Variants in NEK5 observed in about 807,000 individuals in gnomAD.
NEK5 encodes the protein NIMA related kinase 5.
In NEK5, 88 loss-of-function variants were observed where a neutral mutation model predicts 109.2. The ratio of observed to expected loss-of-function variants is 0.81; its 90% confidence interval spans 0.68 to 0.96. The LOEUF (loss-of-function observed/expected upper bound fraction) is 0.96. Ranked by LOEUF, NEK5 falls within the 40% of genes least tolerant of loss-of-function variation. The probability of loss-of-function intolerance (pLI) is 0.00; values close to 1 mark genes in which losing one functional copy is unlikely to be tolerated. For synonymous variants in NEK5, 283 were observed against 299.9 expected (o/e 0.94, Z 0.58); for missense variants, 834 against 920.7 (o/e 0.91, Z 1.22).
chr13:52,086,566 A>T (rs757487449), intron 15 of NEK5, among the ~76,000 whole-genome samples: 2 of 152,222 alleles, frequency 1.3e-5, no homozygotes, highest in Non-Finnish European at 2.9e-5. Flanking sequence ...TACAGAGCTC[A>T]ATTTTATATA....
Position 52,057,759 on chromosome 13 carries a change from T to A in NEK5, c.2110+4060A>T, listed in dbSNP as rs868711729. On this transcript the variant is annotated intron_variant, in intron 22 of 23. Transcript: ENST00000684899. ...TTTGACAAAATTCAACAACCCTTCA[T>A]GCTAAAAACTCTCAATAAATTAGGT... Among the ~76,000 whole-genome samples the A allele has an allele frequency of 5.7e-3, 872 of 152,222 alleles. 6 individuals are homozygous for A. Among genetic ancestry groups the A allele is most frequent in the African/African-American group, 0.019 (776 of 41,522 alleles).
rs563988110 is a variant in NEK5 at position 52,051,900 on chromosome 13, A to T, written c.2111-1679T>A. On this transcript the variant is annotated intron_variant, in intron 22 of 23. Coordinates refer to ENST00000684899, the MANE Select transcript of NEK5 (RefSeq NM_001365552.1). The stretch of plus-strand genomic sequence containing the variant: ...ATGTAAACTGATCGCTGATCTTCAC[A>T]GGTGCAGGACAGAAAGTCATTCCTC... 7.2e-5 allele frequency among the ~76,000 whole-genome samples: 11 copies of T among 152,330 alleles called. No homozygotes were observed. In the South Asian group the frequency reaches 2.3e-3, roughly 32 times the overall value.
At chr13:52,084,026 TCTC>T (rs1955067521) in intron 16 of NEK5, among the ~76,000 whole-genome samples, 2 of 152,188 alleles carry the variant, frequency 1.3e-5, no homozygotes, top group Admixed American at 6.5e-5. Flanking sequence ...GAATGCCCAC[TCTC>T]CTCCTTTAAC....
At chr13:52,063,755 C>G (rs1274210219) in intron 21 of NEK5, among the ~76,000 whole-genome samples, 1 of 151,246 alleles carries the variant, frequency 6.6e-6, no homozygotes, top group Non-Finnish European at 1.5e-5. Flanking sequence ...AGCGTCTCTG[C>G]CCGGCCACCC....
At chr13:52,107,733 A>T (rs1955682553) in intron 8 of NEK5, among the ~76,000 whole-genome samples, 1 of 152,144 alleles carries the variant, frequency 6.6e-6, no homozygotes, top group African/African-American at 2.4e-5. Context: ...GAGCCTTTTA[A>T]GATTAAACAA....
intron 21 of NEK5, among the ~76,000 whole-genome samples, chr13:52,064,066 C>G (rs1359201654): frequency 6.4e-5 from 9 of 141,426 alleles, no homozygotes; most frequent in African/African-American, 2.0e-4. Context: ...GTCAGCCCCC[C>G]GCCCGGCCAG....
intron 12 of NEK5, among the ~76,000 whole-genome samples, chr13:52,095,412 G>A (rs1955386008): frequency 6.6e-6 from 1 of 152,262 alleles, no homozygotes; most frequent in South Asian, 2.1e-4. Flanking sequence ...ACAGTAATAG[G>A]AATATCAGAG....
chr13:52,087,518 C>T lies in NEK5; in HGVS notation c.1276-64G>A, dbSNP rs112051442. On this transcript the variant is annotated intron_variant, in intron 14 of 23. Transcript: ENST00000684899. ...ATTTCGGAAACATCTTCTGATTTGA[C>T]ATTGACTTTTTCCTATAAATAAGAA... 17 of 832,980 alleles carry T rather than the reference C, an allele frequency of 2.0e-5. No homozygotes were observed. In the African/African-American group the frequency reaches 2.4e-4, roughly 12 times the overall value. The allele number at this position is 832,980 out of a possible 1,614,324, so 51.6% of individuals were successfully genotyped here.
chr13:52,063,766 C>T (rs963743215), intron 21 of NEK5, among the ~76,000 whole-genome samples: 18 of 151,496 alleles, frequency 1.2e-4, no homozygotes, highest in African/African-American at 4.1e-4. Context: ...CCGGCCACCC[C>T]ATCTGAGAAG....
At chr13:52,087,564 A>G in intron 14 of NEK5, 110 bp from the exon 15 acceptor site, 1 of 554,354 alleles carries the variant, frequency 1.8e-6, no homozygotes, top group Non-Finnish European at 3.2e-6. Flanking sequence ...AAGCAAACTC[A>G]GTATTTGGGA....
intron 16 of NEK5, among the ~76,000 whole-genome samples, chr13:52,084,756 AGAGAGAGTGTGTGTGTGTGTGT>A (rs1243344056): frequency 3.8e-4 from 20 of 52,256 alleles, no homozygotes; most frequent in African/African-American, 8.5e-4. Context: ...AGAGAGAGAG[AGAGAGAGTGTGTGTGTGTGTGT>A]GTGTGTGTGT....
intron 22 of NEK5, among the ~76,000 whole-genome samples, chr13:52,056,073 C>T (rs554931669): frequency 8.6e-5 from 13 of 151,242 alleles, no homozygotes; most frequent in Admixed American, 3.3e-4. Context: ...CAGAGACACA[C>T]ATACGCTCAA....
chr13:52,117,777 A>G (rs1345218819), intron 4 of NEK5, among the ~76,000 whole-genome samples: 1 of 152,234 alleles, frequency 6.6e-6, no homozygotes, highest in South Asian at 2.1e-4. Flanking sequence ...AGACATATGT[A>G]AGTACAACTG....
chr13:52,099,431 G>A (rs1361240623), intron 12 of NEK5, among the ~76,000 whole-genome samples: 2 of 152,062 alleles, frequency 1.3e-5, no homozygotes, highest in African/African-American at 4.8e-5. Flanking sequence ...CAGCACTTTG[G>A]GAGGCCCAGG....
rs1326118666 is a variant in NEK5, at chr13:52,051,046, A to C, written c.2111-825T>G. ...GTGTTCGTTTTTTAATACCACAAAG[A>C]ATTATAAGGCAGGGGCTTTTTTTTT... On this transcript the variant is annotated intron_variant, in intron 22 of 23. Transcript: ENST00000684899. Among the ~76,000 whole-genome samples the C allele has an allele frequency of 4.4e-5, 6 of 137,468 alleles. No individual in the cohort carries two copies. The Admixed American group carries it at 4.6e-4, about 11-fold the overall frequency. 90.2% of individuals were successfully genotyped at this position (137,468 alleles called of 152,430 possible).
chr13:52,066,387 C>T (rs1209364262), intron 20 of NEK5, among the ~76,000 whole-genome samples: 2 of 151,848 alleles, frequency 1.3e-5, no homozygotes, highest in Non-Finnish European at 1.5e-5. Context: ...TTGAAAATGA[C>T]AATTCTAGGG....
At chr13:52,082,340 T>C (rs766569888) in intron 17 of NEK5, 1 of 1,172,978 alleles carries the variant, frequency 8.5e-7, no homozygotes, top group South Asian at 1.4e-5. Context: ...TAATAATTCT[T>C]AGTATGGGCC....
intron 3 of NEK5, 38 bp downstream of exon 3, chr13:52,127,328 C>G: frequency 9.8e-7 from 1 of 1,017,662 alleles, no homozygotes; most frequent in Non-Finnish European, 1.5e-6. Flanking sequence ...AGCTGAATAT[C>G]CCACTGAAAA....
intron 4 of NEK5, among the ~76,000 whole-genome samples, chr13:52,113,675 GTCT>G (rs1460006365): frequency 6.8e-6 from 1 of 148,012 alleles, no homozygotes; most frequent in Non-Finnish European, 1.5e-5. Flanking sequence ...GGATGATTAT[GTCT>G]TCTTATGTTA....
Sources: allele counts gnomAD v4.1 joint callset (sites outside exome capture counted in the v4.1 genomes callset), GRCh38; gene constraint gnomAD v4.1.1; transcripts MANE v1.5; gene names NCBI Gene and HGNC (gene_info 2026-07-23, HGNC 2026-07-21).